Variants in FAM114A2 observed in about 807,000 individuals in gnomAD.
The protein encoded by FAM114A2 is protein FAM114A2.
A neutral mutation model predicts 58.4 loss-of-function variants in FAM114A2; 53 were observed. The ratio of observed to expected loss-of-function variants is 0.91; its 90% CI spans 0.73 to 1.14. FAM114A2 has a LOEUF of 1.14. FAM114A2 is among the 50% of genes most tolerant of loss of function. The pLI is 0.00. For missense variants in FAM114A2, 601 were observed against 581.1 expected (o/e 1.03, Z -0.35); for synonymous variants, 228 against 211.4 (o/e 1.08, Z -0.68).
Position 154,028,334 on chromosome 5 carries a change from T to A in FAM114A2, c.496-51A>T, listed in dbSNP as rs377447910. 769 of 1,254,814 alleles carry A rather than the reference T, an allele frequency of 6.1e-4. 2 individuals are homozygous for A. Among genetic ancestry groups the A allele is most frequent in the Non-Finnish European group, 8.0e-4 (716 of 896,136 alleles). 77.7% of individuals were successfully genotyped at this position (1,254,814 alleles called of 1,614,324 possible). A position where few individuals can be genotyped will look rare whatever the true frequency, so the allele number is the denominator to read the frequency against. Reference sequence around the variant, plus strand: ...CAACAATATTAAGAAAACATATTTTTATGCATTTTTATTATGTATTTATTA... The same window carrying A: ...CAACAATATTAAGAAAACATATTTTAATGCATTTTTATTATGTATTTATTA... On this transcript the variant is annotated intron_variant, in intron 5 of 13. Transcript: ENST00000351797.
At chr5:153,996,744 C>G (rs1208508493) in intron 12 of FAM114A2, among the ~76,000 whole-genome samples, 5 of 94,874 alleles carry the variant, frequency 5.3e-5, no homozygotes, top group Non-Finnish European at 1.2e-4. Context: ...TGCCTGTACT[C>G]CCAGCACTTT....
Position 153,992,952 on chromosome 5 carries a change from C to G in FAM114A2, c.*24G>C. 1 of 1,602,184 alleles carries G rather than the reference C, an allele frequency of 6.2e-7. No homozygotes were observed. ...GTGGCATTCCTTGGCCGTCACAAGT[C>G]CCAGGTCAAAACGTCTCCATTCTTC... is the stretch of plus-strand genomic sequence containing the variant. On this transcript the variant is annotated 3_prime_UTR_variant, in exon 14 of 14. Coordinates refer to ENST00000351797, the MANE Select transcript of FAM114A2 (RefSeq NM_018691.4).
In FAM114A2 at chr5:153,991,690, CTA is replaced by C. The variant is rs1769253830; in HGVS notation, c.*1284_*1285del. The C allele has an allele frequency of 7.6e-6, 1 of 131,490 alleles. No homozygotes were observed. Among genetic ancestry groups the C allele is most frequent in the African/African-American group, 3.0e-5 (1 of 33,338 alleles). 8.1% of individuals were successfully genotyped at this position (131,490 alleles called of 1,614,324 possible). A position where few individuals can be genotyped will look rare whatever the true frequency, so the allele number is the denominator to read the frequency against. On this transcript the variant is annotated 3_prime_UTR_variant, in exon 14 of 14. Coordinates refer to ENST00000351797, the MANE Select transcript of FAM114A2 (RefSeq NM_018691.4). ...TAATCTATGTTATGGCTTTGCTTTG[CTA>C]TTTTTTTTTTTTTTTTTTGGTCTAA... is the stretch of plus-strand genomic sequence containing the variant.
chr5:154,002,775 G>C, intron 10 of FAM114A2, 72 bp downstream of exon 10: 1 of 1,511,134 alleles, frequency 6.6e-7, no homozygotes, highest in Non-Finnish European at 9.1e-7. Context: ...AAAAATAGGA[G>C]CCTGGGTCCC....
At chr5:154,005,566 A>G (rs1770296298) in intron 9 of FAM114A2, among the ~76,000 whole-genome samples, 1 of 152,240 alleles carries the variant, frequency 6.6e-6, no homozygotes, top group Admixed American at 6.5e-5. Context: ...ACAAAAAGGA[A>G]GCAAGCCGAA....
At chr5:154,034,231 T>C in intron 3 of FAM114A2, 47 bp downstream of exon 3, 1 of 1,168,416 alleles carries the variant, frequency 8.6e-7, no homozygotes, top group Non-Finnish European at 1.2e-6. Context: ...CAGATCTGTA[T>C]AAAATAAATA....
intron 8 of FAM114A2, among the ~76,000 whole-genome samples, chr5:154,016,600 G>A (rs1385616146): frequency 6.6e-6 from 1 of 151,976 alleles, no homozygotes; most frequent in Non-Finnish European, 1.5e-5. Flanking sequence ...AGCAGTACAA[G>A]AACTGCACTG....
At position 154,028,287 on chromosome 5, in the gene FAM114A2, GA is replaced by G; in HGVS notation, c.496-5del. The G allele has an allele frequency of 6.3e-7, 1 of 1,577,510 alleles. No homozygotes were observed. Among genetic ancestry groups the G allele is most frequent in the Non-Finnish European group, 8.7e-7 (1 of 1,153,616 alleles). On this transcript the variant is annotated splice_polypyrimidine_tract_variant and splice_region_variant and intron_variant, in intron 5 of 13. Transcript: ENST00000351797. ...CCCCACTTATAACACTCTTTCCCTA[GA>G]AAATACATGCAACCTCATTACAACA...
chr5:154,009,030 A>C (rs906001048), intron 9 of FAM114A2, among the ~76,000 whole-genome samples: 11 of 152,234 alleles, frequency 7.2e-5, no homozygotes, highest in Non-Finnish European at 1.5e-4. Flanking sequence ...AACATAACAC[A>C]TATAGGTGTA....
At chr5:153,995,034 G>A (rs554945537) in intron 12 of FAM114A2, 62 bp from the exon 13 acceptor site, 36 of 1,043,880 alleles carry the variant, frequency 3.4e-5, no homozygotes, top group Admixed American at 6.8e-5. Flanking sequence ...AGTGGAGTAC[G>A]ATCACACTTT....
Position 153,992,087 on chromosome 5 carries a change from A to G in FAM114A2, c.*889T>C, listed in dbSNP as rs1315602268. Reference sequence around the variant, plus strand: ...AAATGAACATCATTTCTAAAGGACTATGGCCCACTTCAACACTCAAACAAA... The same window carrying G: ...AAATGAACATCATTTCTAAAGGACTGTGGCCCACTTCAACACTCAAACAAA... On this transcript the variant is annotated 3_prime_UTR_variant, in exon 14 of 14. Transcript: ENST00000351797. The G allele has an allele frequency of 1.3e-5, 2 of 152,248 alleles. No individual in the cohort carries two copies. Among genetic ancestry groups the G allele is most frequent in the East Asian group, 3.8e-4 (2 of 5,206 alleles). 9.4% of individuals were successfully genotyped at this position (152,248 alleles called of 1,614,324 possible).
At chr5:154,017,495 G>T (rs926757806) in intron 8 of FAM114A2, among the ~76,000 whole-genome samples, 1 of 93,230 alleles carries the variant, frequency 1.1e-5, no homozygotes, top group South Asian at 4.1e-4. Context: ...CACAATAATA[G>T]TGGGGGACTT....
chr5:154,026,702 A>ACT (rs1208815132), intron 7 of FAM114A2, among the ~76,000 whole-genome samples, 180 bp from the exon 8 acceptor site: 2 of 152,118 alleles, frequency 1.3e-5, no homozygotes, highest in Non-Finnish European at 2.9e-5. Flanking sequence ...AGGTAGGGAG[A>ACT]CTCTGTGCTT....
chr5:154,020,785 A>C (rs1771361233), intron 8 of FAM114A2, among the ~76,000 whole-genome samples: 3 of 152,208 alleles, frequency 2.0e-5, no homozygotes. Context: ...AATCCTCCCT[A>C]ACTCATTTTA....
chr5:153,992,151 G>T lies in FAM114A2; in HGVS notation c.*825C>A, dbSNP rs1045951100. ...CTAAAACAGCTTCAACATTCCTTTG[G>T]AGTTTGCTGTTAAAGAATTTATCCT... is the stretch of plus-strand genomic sequence containing the variant. On this transcript the variant is annotated 3_prime_UTR_variant, in exon 14 of 14. Coordinates refer to ENST00000351797, the MANE Select transcript of FAM114A2 (RefSeq NM_018691.4). 6.6e-6 allele frequency: 1 copy of T among 152,156 alleles called. No individual in the cohort carries two copies. The highest frequency in any genetic ancestry group is 1.5e-5 in the Non-Finnish European group (1 of 68,040). 9.4% of individuals were successfully genotyped at this position (152,156 alleles called of 1,614,324 possible).
chr5:154,014,420 C>T (rs933226276), intron 8 of FAM114A2, among the ~76,000 whole-genome samples: 1 of 152,114 alleles, frequency 6.6e-6, no homozygotes, highest in East Asian at 1.9e-4. Flanking sequence ...AACCCATATA[C>T]CCTCTGAAGG....
intron 13 of FAM114A2, chr5:153,994,542 T>A (rs915937978): frequency 1.2e-5 from 2 of 161,762 alleles, no homozygotes; most frequent in African/African-American, 4.8e-5. Flanking sequence ...TTTTGTTTTG[T>A]AACAAACCTC....
intron 11 of FAM114A2, among the ~76,000 whole-genome samples, chr5:153,999,645 A>C (rs1652964053): frequency 6.6e-6 from 1 of 152,026 alleles, no homozygotes; most frequent in Non-Finnish European, 1.5e-5. Context: ...AAAAAAAAAA[A>C]AAAATTGATG....
chr5:154,008,291 T>C (rs1770475346), intron 9 of FAM114A2, among the ~76,000 whole-genome samples: 1 of 152,120 alleles, frequency 6.6e-6, no homozygotes, highest in South Asian at 2.1e-4. Flanking sequence ...CCTGAGTATA[T>C]TTTTTGTGCA....
Sources: gnomAD v4.1 joint callset for allele counts (sites outside exome capture counted in the v4.1 genomes callset) on GRCh38, gnomAD v4.1.1 for gene constraint, MANE v1.5 for transcripts, NCBI Gene and HGNC (gene_info 2026-07-23, HGNC 2026-07-21) for gene names.